Variants in CEP44 observed in about 807,000 individuals in gnomAD.
CEP44 encodes centrosomal protein of 44 kDa.
Under a neutral mutation model 46.7 loss-of-function variants are expected in CEP44, and 45 were observed. That is an observed-to-expected ratio of 0.96 (90% CI 0.76 to 1.24). CEP44 has a LOEUF of 1.24. Ranked by LOEUF, CEP44 falls within the 50% of genes most tolerant of loss-of-function variation. The pLI, the probability that CEP44 is intolerant of heterozygous loss-of-function variation, is 0.00. For missense variants in CEP44, 475 were observed against 459.7 expected (o/e 1.03, Z -0.30); for synonymous variants, 142 against 146.0 (o/e 0.97, Z 0.20).
chr4:174,315,952 A>C (rs1741653308), intron 9 of CEP44, among the ~76,000 whole-genome samples: 1 of 152,114 alleles, frequency 6.6e-6, no homozygotes, highest in Non-Finnish European at 1.5e-5. Flanking sequence ...TCATGATAAT[A>C]ATACTGCCTT....
Position 174,283,997 on chromosome 4 carries a change from G to C in CEP44, c.-148+54G>C. On this transcript the variant is annotated intron_variant, in intron 1 of 11. Coordinates refer to ENST00000503780, the MANE Select transcript of CEP44 (RefSeq NM_001040157.3). This position sits in a 1 kb window ranked among gnomAD's most constrained non-coding sequence, Gnocchi z 6.7. ...CAAATACAAACGGTCGGCGCGAGAAGCGCTTCTGGGCGCAGGCGCCTGGCT... is the reference window on the plus strand; with the variant it reads ...CAAATACAAACGGTCGGCGCGAGAACCGCTTCTGGGCGCAGGCGCCTGGCT... 2.5e-6 allele frequency: 1 copy of C among 399,734 alleles called. No individual in the cohort carries two copies. The allele number at this position is 399,734 out of a possible 1,614,324, so 24.8% of individuals were successfully genotyped here. A position where few individuals can be genotyped will look rare whatever the true frequency, so the allele number is the denominator to read the frequency against.
Position 174,303,850 on chromosome 4 carries a change from G to C in CEP44, c.384+1G>C. The C allele has an allele frequency of 6.6e-7, 1 of 1,519,282 alleles. No individual in the cohort carries two copies. Among genetic ancestry groups the C allele is most frequent in the Non-Finnish European group, 9.0e-7 (1 of 1,114,784 alleles). 94.1% of individuals were successfully genotyped at this position (1,519,282 alleles called of 1,614,324 possible). A position where few individuals can be genotyped will look rare whatever the true frequency, so the allele number is the denominator to read the frequency against. The stretch of plus-strand genomic sequence containing the variant: ...CAAGGAATTAAGCAGTCTTCAGAAG[G>C]TAATTTTATGAATAGATATTAATGC... On this transcript the variant is annotated splice_donor_variant, in intron 5 of 11. Transcript: ENST00000503780. LOFTEE classifies it high-confidence loss of function.
chr4:174,317,814 G>A lies in CEP44; in HGVS notation c.*431G>A. ...TATATACCATCTTGGCATCTGTACTGATGAATAAGTTATAATGAACAGTTA... is the reference window on the plus strand; with the variant it reads ...TATATACCATCTTGGCATCTGTACTAATGAATAAGTTATAATGAACAGTTA... On this transcript the variant is annotated 3_prime_UTR_variant, in exon 12 of 12. Transcript: ENST00000503780. 2 of 986,052 alleles carry A rather than the reference G, an allele frequency of 2.0e-6. No individual in the cohort carries two copies. The highest frequency in any genetic ancestry group is 2.4e-6 in the Non-Finnish European group (2 of 830,116). 61.1% of individuals were successfully genotyped at this position (986,052 alleles called of 1,614,324 possible).
At chr4:174,298,677 A>AT (rs1739360353) in intron 2 of CEP44, among the ~76,000 whole-genome samples, 1 of 152,064 alleles carries the variant, frequency 6.6e-6, no homozygotes, top group Admixed American at 6.6e-5. Context: ...ATTTGTCTCC[A>AT]TTTTTTATTG....
In CEP44 at chr4:174,318,055, T is replaced by G. The variant is rs1741931583; in HGVS notation, c.*672T>G. 2 of 985,400 alleles carry G rather than the reference T, an allele frequency of 2.0e-6. No individual in the cohort carries two copies. The highest frequency in any genetic ancestry group is 1.2e-4 in the Admixed American group (2 of 16,280). 61.0% of individuals were successfully genotyped at this position (985,400 alleles called of 1,614,324 possible). A position where few individuals can be genotyped will look rare whatever the true frequency, so the allele number is the denominator to read the frequency against. ...AAATGTGTTGAACATTTTAGTATGCTCTATTGTATAATTTTTTTGGAGGGG... is the reference window on the plus strand; with the variant it reads ...AAATGTGTTGAACATTTTAGTATGCGCTATTGTATAATTTTTTTGGAGGGG... On this transcript the variant is annotated 3_prime_UTR_variant, in exon 12 of 12. Transcript: ENST00000503780.
chr4:174,297,450 C>T lies in CEP44; in HGVS notation c.-147-516C>T, dbSNP rs926730043. 1.3e-5 allele frequency among the ~76,000 whole-genome samples: 2 copies of T among 152,138 alleles called. No homozygotes were observed. Among genetic ancestry groups the T allele is most frequent in the African/African-American group, 4.8e-5 (2 of 41,426 alleles). Reference sequence around the variant, plus strand: ...AAGAAAAAAAGGTGCCTGGTTAGGGCTTATCAATAAGTGAGTTTGCTGCAG... The same window carrying T: ...AAGAAAAAAAGGTGCCTGGTTAGGGTTTATCAATAAGTGAGTTTGCTGCAG... On this transcript the variant is annotated intron_variant, in intron 1 of 11. Transcript: ENST00000503780. This position sits in a 1 kb window ranked among gnomAD's most constrained non-coding sequence, Gnocchi z 4.3.
downstream of CEP44, among the ~76,000 whole-genome samples, chr4:174,323,160 A>T (rs918848962): frequency 2.0e-5 from 3 of 152,136 alleles, no homozygotes; most frequent in African/African-American, 7.2e-5. Context: ...TATAATAAAT[A>T]TTTATCACAG....
rs35377324 is a variant in CEP44, at chr4:174,331,239, G to GA, written c.1087-230dup. On this transcript the variant is annotated intron_variant, in intron 8 of 8. Transcript: ENST00000426172. The surrounding 1 kb of genome is among the most constrained non-coding windows in gnomAD (Gnocchi z 4.5). ...TATTGCCATCACTCCTCACCAATGA[G>GA]AAAAAAAAAAAAACTCTGAACATTT... Among the ~76,000 whole-genome samples the GA allele has an allele frequency of 2.2e-3, 297 of 133,500 alleles. 3 individuals are homozygous for GA. Among genetic ancestry groups the GA allele is most frequent in the East Asian group, 6.0e-3 (27 of 4,492 alleles). The allele number at this position is 133,500 out of a possible 152,430, so 87.6% of individuals were successfully genotyped here. A position where few individuals can be genotyped will look rare whatever the true frequency, so the allele number is the denominator to read the frequency against.
Position 174,310,891 on chromosome 4 carries a change from A to T in CEP44, c.961+33A>T. On this transcript the variant is annotated intron_variant, in intron 9 of 11. Coordinates refer to ENST00000503780, the MANE Select transcript of CEP44 (RefSeq NM_001040157.3). This position sits in a 1 kb window ranked among gnomAD's most constrained non-coding sequence, Gnocchi z 4.2. ...TGTAAATACTATGAGAATTGGTATG[A>T]TGAGTTTTCAGAAAAATGATTGTTA... 1 of 938,334 alleles carries T rather than the reference A, an allele frequency of 1.1e-6. No individual in the cohort carries two copies. Among genetic ancestry groups the T allele is most frequent in the Non-Finnish European group, 1.7e-6 (1 of 602,978 alleles). 58.1% of individuals were successfully genotyped at this position (938,334 alleles called of 1,614,324 possible). A position where few individuals can be genotyped will look rare whatever the true frequency, so the allele number is the denominator to read the frequency against.
In CEP44 at chr4:174,286,445, T is replaced by C. The variant is rs746131225; in HGVS notation, c.-148+2502T>C. ...TTAATATAATGACTTCATTTTAATG[T>C]GATAACTTCATTTTAAAGGAGCTTC... On this transcript the variant is annotated intron_variant, in intron 1 of 11. Transcript: ENST00000503780. This position sits in a 1 kb window ranked among gnomAD's most constrained non-coding sequence, Gnocchi z 5.2. 1.3e-5 allele frequency among the ~76,000 whole-genome samples: 2 copies of C among 152,244 alleles called. No homozygotes were observed. Among genetic ancestry groups the C allele is most frequent in the Non-Finnish European group, 2.9e-5 (2 of 68,038 alleles).
In CEP44 at chr4:174,288,847, G is replaced by GT. The variant is rs959914264; in HGVS notation, c.-148+4910dup. 8.5e-5 allele frequency among the ~76,000 whole-genome samples: 13 copies of GT among 152,234 alleles called. No homozygotes were observed. The highest frequency in any genetic ancestry group is 2.0e-4 in the Admixed American group (3 of 15,288). On this transcript the variant is annotated intron_variant, in intron 1 of 11. Transcript: ENST00000503780. The surrounding 1 kb of genome is among the most constrained non-coding windows in gnomAD (Gnocchi z 4.6). ...CCTCATCTTATGGGGAAAGCTTTCA[G>GT]TTTTTTATCTTTAAGTATCTTAGCT...
chr4:174,294,370 C>G (rs1023241683), intron 1 of CEP44, among the ~76,000 whole-genome samples: 6 of 151,990 alleles, frequency 3.9e-5, no homozygotes, highest in Non-Finnish European at 7.4e-5. Context: ...GTAGGGTCAC[C>G]GATCAACAGG....
At chr4:174,325,148 A>G (rs191531690), downstream of CEP44, among the ~76,000 whole-genome samples, 18 of 152,214 alleles carry the variant, frequency 1.2e-4, no homozygotes, top group East Asian at 3.9e-4. This position sits in a 1 kb window ranked among gnomAD's most constrained non-coding sequence, Gnocchi z 4.4. Flanking sequence ...TGCCATTAGT[A>G]TATCTTCTTT....
At chr4:174,316,145 T>A in intron 9 of CEP44, 21 bp from the exon 10 acceptor site, 1 of 1,607,830 alleles carries the variant, frequency 6.2e-7, no homozygotes, top group Non-Finnish European at 8.5e-7. Context: ...AAAGGTAATC[T>A]AAAACTTAAT....
chr4:174,307,683 G>T (rs982345552), intron 6 of CEP44, among the ~76,000 whole-genome samples: 3 of 152,130 alleles, frequency 2.0e-5, no homozygotes, highest in Non-Finnish European at 4.4e-5. Context: ...ACACCCTCCG[G>T]AGTGGGAGAA....
rs916990961 is a variant in CEP44 at position 174,311,503 on chromosome 4, T to C, written c.961+645T>C. 1.3e-5 allele frequency among the ~76,000 whole-genome samples: 2 copies of C among 152,122 alleles called. No individual in the cohort carries two copies. Among genetic ancestry groups the C allele is most frequent in the Non-Finnish European group, 2.9e-5 (2 of 67,984 alleles). On this transcript the variant is annotated intron_variant, in intron 9 of 11. Coordinates refer to ENST00000503780, the MANE Select transcript of CEP44 (RefSeq NM_001040157.3). This position sits in a 1 kb window ranked among gnomAD's most constrained non-coding sequence, Gnocchi z 4.4. ...GCTATAGAAGAGATGTTTTGTCCAA[T>C]TGAGAATTCATCGTTAAGTTAAATT...
Position 174,286,797 on chromosome 4 carries a change from G to C in CEP44, c.-148+2854G>C, listed in dbSNP as rs1354494851. ...TAAAAAATGAATCATTTTGTTTAAA[G>C]TCTCAGTTCGTTCAAATCTTTTGGT... On this transcript the variant is annotated intron_variant, in intron 1 of 11. Coordinates refer to ENST00000503780, the MANE Select transcript of CEP44 (RefSeq NM_001040157.3). This position sits in a 1 kb window ranked among gnomAD's most constrained non-coding sequence, Gnocchi z 5.2. Among the ~76,000 whole-genome samples, 1 of 152,136 alleles carries C rather than the reference G, an allele frequency of 6.6e-6. No homozygotes were observed. The highest frequency in any genetic ancestry group is 1.5e-5 in the Non-Finnish European group (1 of 68,008).
At chr4:174,321,654 TATGTC>T (rs1742325535), downstream of CEP44, among the ~76,000 whole-genome samples, 7 of 152,138 alleles carry the variant, frequency 4.6e-5, no homozygotes, top group South Asian at 1.4e-3. Context: ...TTTTCTCTAT[TATGTC>T]ATAGGGTGAC....
downstream of CEP44, among the ~76,000 whole-genome samples, chr4:174,323,171 A>T (rs538206869): frequency 1.3e-5 from 2 of 152,158 alleles, no homozygotes; most frequent in Admixed American, 1.3e-4. Flanking sequence ...TTTATCACAG[A>T]TATCACAGGA....
Sources: gnomAD v4.1 joint callset for allele counts (sites outside exome capture counted in the v4.1 genomes callset) on GRCh38, gnomAD v4.1.1 for gene constraint, Gnocchi (gnomAD v3.1) non-coding constraint, MANE v1.5 for transcripts, NCBI Gene and HGNC (gene_info 2026-07-23, HGNC 2026-07-21) for gene names.